DAB1: variants seen among roughly 807,000 people sequenced by gnomAD.
DAB1 encodes DAB adaptor protein 1.
Under a neutral mutation model 64.6 loss-of-function variants are expected in DAB1, and 15 were observed. The observed-to-expected ratio is 0.23, with a 90% confidence interval of 0.16 to 0.36. The LOEUF is 0.36. Among genes scored for constraint, DAB1 ranks in the 10% least tolerant of loss-of-function variants. The pLI, the probability that DAB1 is intolerant of heterozygous loss-of-function variation, is 1.00. For synonymous variants in DAB1, 235 were observed against 251.9 expected (o/e 0.93, Z 0.64); for missense variants, 596 against 706.7 (o/e 0.84, Z 1.78).
chr1:57,091,328 C>T (rs1012210276), intron 4 of DAB1, among the ~76,000 whole-genome samples: 2 of 152,164 alleles, frequency 1.3e-5, no homozygotes, highest in Admixed American at 6.5e-5. Context: ...TGTAGACCCA[C>T]GGAATATAAG....
At chr1:57,114,340 G>A (rs1057074417) in intron 4 of DAB1, among the ~76,000 whole-genome samples, 1 of 152,104 alleles carries the variant, frequency 6.6e-6, no homozygotes, top group Non-Finnish European at 1.5e-5. Context: ...GTATCTTCAA[G>A]TTCAGTTACT....
At chr1:57,359,565 T>C (rs1391359625) in intron 1 of DAB1, among the ~76,000 whole-genome samples, 1 of 152,018 alleles carries the variant, frequency 6.6e-6, no homozygotes, top group Non-Finnish European at 1.5e-5. Context: ...AACTACCATA[T>C]GATCCAGCAA....
At chr1:57,180,143 T>G (rs899846686) in intron 2 of DAB1, among the ~76,000 whole-genome samples, 1 of 152,206 alleles carries the variant, frequency 6.6e-6, no homozygotes, top group Non-Finnish European at 1.5e-5. Context: ...AAACTTGCTT[T>G]GGAAATGGTA....
chr1:57,681,723 G>A (rs1169058939), intron 6 of DAB1, among the ~76,000 whole-genome samples: 1 of 152,144 alleles, frequency 6.6e-6, no homozygotes. Context: ...TAGAGAGGAG[G>A]GAGTACTGAT....
At chr1:58,327,957 G>T (rs1413493965) in intron 4 of DAB1, among the ~76,000 whole-genome samples, 1 of 152,182 alleles carries the variant, frequency 6.6e-6, no homozygotes, top group Non-Finnish European at 1.5e-5. Flanking sequence ...CAGTTCCTTA[G>T]GGTCCCTCCA....
intron 2 of DAB1, among the ~76,000 whole-genome samples, chr1:58,524,645 G>A (rs953012712): frequency 2.0e-5 from 3 of 152,088 alleles, no homozygotes; most frequent in Admixed American, 6.6e-5. Context: ...TTCTGGATTC[G>A]TTTATGTTGA....
chr1:57,775,931 T>C (rs1376446209), intron 6 of DAB1, among the ~76,000 whole-genome samples: 1 of 151,740 alleles, frequency 6.6e-6, no homozygotes, highest in Admixed American at 6.6e-5. Flanking sequence ...AATTGTGATA[T>C]CTTTATGTTT....
At chr1:57,750,258 T>A (rs1237562888) in intron 6 of DAB1, among the ~76,000 whole-genome samples, 1 of 152,196 alleles carries the variant, frequency 6.6e-6, no homozygotes, top group Non-Finnish European at 1.5e-5. Context: ...TCCTTTCATA[T>A]CCAGGCTCTC....
In DAB1 at chr1:58,346,038, G is replaced by A. The variant is rs552436356; in HGVS notation, n.258-2635C>T. Among the ~76,000 whole-genome samples the A allele has an allele frequency of 2.4e-4, 37 of 152,304 alleles. No individual in the cohort carries two copies. In the South Asian group the frequency reaches 2.5e-3, roughly 10 times the overall value. On this transcript the variant is annotated intron_variant and non_coding_transcript_variant, in intron 3 of 20. Coordinates refer to the DAB1 transcript ENST00000485760. ...AACTGCAGTTCAGTGATGAGAAAGC[G>A]ATGGGACTCCATCACCATCACTCAG...
At chr1:57,374,226 G>A (rs1680723126) in intron 1 of DAB1, among the ~76,000 whole-genome samples, 1 of 152,176 alleles carries the variant, frequency 6.6e-6, no homozygotes, top group African/African-American at 2.4e-5. Flanking sequence ...TATTTTGGCA[G>A]TAAGGTAAAC....
chr1:58,059,156 C>T (rs938988963), intron 5 of DAB1, among the ~76,000 whole-genome samples: 1 of 152,204 alleles, frequency 6.6e-6, no homozygotes, highest in Non-Finnish European at 1.5e-5. Flanking sequence ...ATTTTAAGAT[C>T]CTCCTTTTGC....
Position 57,071,609 on chromosome 1 carries a change from G to A in DAB1, c.471C>T (p.Leu157=), listed in dbSNP as rs755412805. The change falls in exon 6 of 15, where the codon CTC becomes CTT. Residue 157 remains leucine (L), a synonymous_variant. Transcript: ENST00000371236. ...GCTTCAATTCATAAATGAGTTGAAA[G>A]AGATCTCTCAAGTCCAGAATAACAG... ...AEPVILDLRD[L]FQLIYELKQR... 1.8e-5 allele frequency: 29 copies of A among 1,613,586 alleles called. No homozygotes were observed. The African/African-American group carries it at 3.1e-4, about 17-fold the overall frequency.
At chr1:57,649,265 C>T (rs548721265) in intron 7 of DAB1, among the ~76,000 whole-genome samples, 21 of 152,286 alleles carry the variant, frequency 1.4e-4, no homozygotes, top group African/African-American at 4.6e-4. Context: ...TGTTGAAAAT[C>T]AAGCCAATCT....
At chr1:57,230,935 G>A (rs1434226425) in intron 2 of DAB1, among the ~76,000 whole-genome samples, 3 of 152,168 alleles carry the variant, frequency 2.0e-5, no homozygotes, top group East Asian at 1.9e-4. Flanking sequence ...AGAATCTGGG[G>A]AGGATTAACT....
rs139726060 is a variant in DAB1, at chr1:58,392,092, C to T, written n.258-48689G>A. 4.7e-3 allele frequency among the ~76,000 whole-genome samples: 709 copies of T among 152,306 alleles called. 1 individual carries two copies. The highest frequency in any genetic ancestry group is 7.5e-3 in the Non-Finnish European group (508 of 68,032). ...TGGAAAAGTCTTTGGAAGGCTGTTG[C>T]TGCTGCATCAGATTATGGTTCTGGG... On this transcript the variant is annotated intron_variant and non_coding_transcript_variant, in intron 3 of 20. Coordinates refer to the DAB1 transcript ENST00000485760.
chr1:58,422,992 G>T (rs945897283), intron 3 of DAB1, among the ~76,000 whole-genome samples: 5 of 152,160 alleles, frequency 3.3e-5, no homozygotes, highest in African/African-American at 1.2e-4. Context: ...CTTTTGAGAT[G>T]CTGCAGCACA....
At chr1:58,064,634 C>A (rs113514268) in intron 5 of DAB1, among the ~76,000 whole-genome samples, 5 of 152,206 alleles carry the variant, frequency 3.3e-5, no homozygotes, top group African/African-American at 1.2e-4. Context: ...CACAGACTTG[C>A]ATTCCAGGCA....
At chr1:57,247,376 G>A (rs1213550387) in intron 2 of DAB1, among the ~76,000 whole-genome samples, 2 of 152,174 alleles carry the variant, frequency 1.3e-5, no homozygotes, top group African/African-American at 4.8e-5. Flanking sequence ...ATGGTAAGAT[G>A]TGCTTGTTTC....
intron 2 of DAB1, among the ~76,000 whole-genome samples, chr1:57,249,133 G>A (rs1431435432): frequency 2.0e-5 from 3 of 152,094 alleles, no homozygotes; most frequent in African/African-American, 7.2e-5. Flanking sequence ...TGCCAGTGAG[G>A]AACTTACGTT....
Sources: allele counts gnomAD v4.1 joint callset (sites outside exome capture counted in the v4.1 genomes callset), GRCh38; gene constraint gnomAD v4.1.1; transcripts MANE v1.5; gene names NCBI Gene and HGNC (gene_info 2026-07-23, HGNC 2026-07-21).